Variants in OR2T12 observed in about 807,000 individuals in gnomAD.
The protein encoded by OR2T12 is olfactory receptor family 2 subfamily T member 12, also known as olfactory receptor 2T12.
For missense variants in OR2T12, 335 were observed against 404.3 expected (o/e 0.83, Z 1.47); for synonymous variants, 127 against 160.5 (o/e 0.79, Z 1.58).
intron 1 of OR2T12, among the ~76,000 whole-genome samples, chr1:248,302,197 G>T (rs1008466093): frequency 2.0e-5 from 3 of 151,940 alleles, no homozygotes; most frequent in African/African-American, 4.8e-5. Flanking sequence ...CTCTCATATT[G>T]GCAATAATGA....
At position 248,296,337 on chromosome 1, in the gene OR2T12, C is replaced by A. The variant is rs147487247; in HGVS notation, c.-8-751G>T. Reference sequence around the variant, plus strand: ...CATATGTGTGCATGTTTCTTTATAGCACCATGATTTATAGACCTTTGGGTA... The same window carrying A: ...CATATGTGTGCATGTTTCTTTATAGAACCATGATTTATAGACCTTTGGGTA... On this transcript the variant is annotated intron_variant, in intron 2 of 2. Transcript: ENST00000641276. 1.9e-3 allele frequency among the ~76,000 whole-genome samples: 288 copies of A among 152,258 alleles called. 13 individuals are homozygous for A. The East Asian group carries it at 0.047, about 25-fold the overall frequency.
At chr1:248,300,289 G>T (rs780367213) in intron 2 of OR2T12, among the ~76,000 whole-genome samples, 2 of 152,126 alleles carry the variant, frequency 1.3e-5, no homozygotes, top group Admixed American at 1.3e-4. Context: ...GATTAAATTT[G>T]TGTCTTCGAT....
chr1:248,301,049 T>C (rs113723193), intron 2 of OR2T12, among the ~76,000 whole-genome samples: 3 of 152,128 alleles, frequency 2.0e-5, no homozygotes, highest in Non-Finnish European at 1.5e-5. Flanking sequence ...TTAGGCTGAA[T>C]TTATATAAAT....
At chr1:248,297,286 G>A (rs965332262) in intron 2 of OR2T12, among the ~76,000 whole-genome samples, 54 of 152,152 alleles carry the variant, frequency 3.5e-4, no homozygotes, top group South Asian at 1.5e-3. Context: ...GTCAGGTAGC[G>A]TGATGCCTCC....
intron 2 of OR2T12, among the ~76,000 whole-genome samples, chr1:248,296,723 T>A (rs1306711792): frequency 6.6e-6 from 1 of 150,620 alleles, no homozygotes; most frequent in African/African-American, 2.5e-5. Context: ...CTCGTAAATT[T>A]GTTTGAGTTC....
At chr1:248,296,696 G>T (rs1224482967) in intron 2 of OR2T12, among the ~76,000 whole-genome samples, 2 of 152,042 alleles carry the variant, frequency 1.3e-5, no homozygotes, top group Non-Finnish European at 2.9e-5. Flanking sequence ...ACTTTTTGAT[G>T]GGGTTGTTTG....
At chr1:248,300,801 C>A (rs1659802365) in intron 2 of OR2T12, among the ~76,000 whole-genome samples, 1 of 152,008 alleles carries the variant, frequency 6.6e-6, no homozygotes, top group Non-Finnish European at 1.5e-5. Context: ...AAGAAGGAAG[C>A]TATGTGGTCA....
At position 248,293,744 on chromosome 1, in the gene OR2T12, G is replaced by T. The variant is rs1659668658; in HGVS notation, c.*872C>A. 1 of 152,078 alleles carries T rather than the reference G, an allele frequency of 6.6e-6. No homozygotes were observed. Among genetic ancestry groups the T allele is most frequent in the Non-Finnish European group, 1.5e-5 (1 of 67,980 alleles). 9.4% of individuals were successfully genotyped at this position (152,078 alleles called of 1,614,324 possible). On this transcript the variant is annotated 3_prime_UTR_variant, in exon 3 of 3. Coordinates refer to ENST00000641276, the MANE Select transcript of OR2T12 (RefSeq NM_001004692.2). ...CAATTCAGAGTTCATATCGATGGAGGTATGTCAATAAGTCAAGGTAACCTT... is the reference window on the plus strand; with the variant it reads ...CAATTCAGAGTTCATATCGATGGAGTTATGTCAATAAGTCAAGGTAACCTT...
chr1:248,297,280 G>C (rs1479986463), intron 2 of OR2T12, among the ~76,000 whole-genome samples: 3 of 152,046 alleles, frequency 2.0e-5, no homozygotes, highest in Non-Finnish European at 4.4e-5. Flanking sequence ...TTTGAAGTCA[G>C]GTAGCGTGAT....
chr1:248,297,759 A>T (rs1247756748), intron 2 of OR2T12, among the ~76,000 whole-genome samples: 1 of 149,040 alleles, frequency 6.7e-6, no homozygotes. Flanking sequence ...GGCTGAGACA[A>T]TGGGGTTTTC....
Position 248,291,785 on chromosome 1 carries a change from T to C in OR2T12, c.*2831A>G, listed in dbSNP as rs1045938035. The C allele has an allele frequency of 6.6e-6, 1 of 151,204 alleles. No individual in the cohort carries two copies. The highest frequency in any genetic ancestry group is 1.5e-5 in the Non-Finnish European group (1 of 67,492). The allele number at this position is 151,204 out of a possible 1,614,324, so 9.4% of individuals were successfully genotyped here. On this transcript the variant is annotated 3_prime_UTR_variant, in exon 3 of 3. Coordinates refer to ENST00000641276, the MANE Select transcript of OR2T12 (RefSeq NM_001004692.2). Reference sequence around the variant, plus strand: ...AACAGAGGCCTCAGAATTCATGCCATACAACCATCTCTTCTTTGACAAACC... The same window carrying C: ...AACAGAGGCCTCAGAATTCATGCCACACAACCATCTCTTCTTTGACAAACC...
chr1:248,297,274 A>C (rs1194008716), intron 2 of OR2T12, among the ~76,000 whole-genome samples: 3 of 151,966 alleles, frequency 2.0e-5, no homozygotes, highest in Non-Finnish European at 4.4e-5. Context: ...GTATAGTTTG[A>C]AGTCAGGTAG....
chr1:248,298,830 G>T (rs1339741462), intron 2 of OR2T12, among the ~76,000 whole-genome samples: 1 of 151,450 alleles, frequency 6.6e-6, no homozygotes, highest in African/African-American at 2.4e-5. Flanking sequence ...TTTTTGAAGG[G>T]TTTTTTGTGC....
At chr1:248,298,506 T>C (rs1288133626) in intron 2 of OR2T12, among the ~76,000 whole-genome samples, 1 of 152,022 alleles carries the variant, frequency 6.6e-6, no homozygotes, top group East Asian at 1.9e-4. Context: ...GGGTAAGCTA[T>C]TGATTATTGC....
At position 248,297,169 on chromosome 1, in the gene OR2T12, T is replaced by C. The variant is rs899702195; in HGVS notation, c.-8-1583A>G. Among the ~76,000 whole-genome samples the C allele has an allele frequency of 2.6e-5, 4 of 151,746 alleles. No individual in the cohort carries two copies. The East Asian group carries it at 5.8e-4, about 22-fold the overall frequency. On this transcript the variant is annotated intron_variant, in intron 2 of 2. Transcript: ENST00000641276. ...GTCAAAGATCAGATAGTTGTAGATATGCAGCGTTATTTCTGAGGGCTCTGT... is the reference window on the plus strand; with the variant it reads ...GTCAAAGATCAGATAGTTGTAGATACGCAGCGTTATTTCTGAGGGCTCTGT...
Position 248,294,254 on chromosome 1 carries a change from C to A in OR2T12, c.*362G>T, listed in dbSNP as rs543452487. 3.4e-4 allele frequency: 60 copies of A among 174,444 alleles called. No individual in the cohort carries two copies. The highest frequency in any genetic ancestry group is 1.4e-3 in the African/African-American group (58 of 41,912). 10.8% of individuals were successfully genotyped at this position (174,444 alleles called of 1,614,324 possible). ...TAGTAGGAAATTGAGTAACACTCAA[C>A]AACCTTATACATTATTGGGTTACCT... On this transcript the variant is annotated 3_prime_UTR_variant, in exon 3 of 3. Coordinates refer to ENST00000641276, the MANE Select transcript of OR2T12 (RefSeq NM_001004692.2).
At chr1:248,302,005 G>T (rs1201696772) in intron 1 of OR2T12, among the ~76,000 whole-genome samples, 1 of 151,072 alleles carries the variant, frequency 6.6e-6, no homozygotes, top group Non-Finnish European at 1.5e-5. Context: ...TGAGTGAGAT[G>T]ATGGAAAGGA....
intron 2 of OR2T12, among the ~76,000 whole-genome samples, chr1:248,296,464 C>A (rs1487333562): frequency 6.6e-6 from 1 of 152,162 alleles, no homozygotes; most frequent in Non-Finnish European, 1.5e-5. Flanking sequence ...AGTTTACAGC[C>A]CCACCAACAG....
rs533356953 is a variant in OR2T12, at chr1:248,296,552, T to A, written c.-8-966A>T. 7.9e-5 allele frequency among the ~76,000 whole-genome samples: 12 copies of A among 152,272 alleles called. No homozygotes were observed. The East Asian group carries it at 1.9e-3, about 24-fold the overall frequency. Reference sequence around the variant, plus strand: ...ACTTTTTAATGATTGCCATTCTAACTGGTGTGAGATGATATCTCATTGTGG... The same window carrying A: ...ACTTTTTAATGATTGCCATTCTAACAGGTGTGAGATGATATCTCATTGTGG... On this transcript the variant is annotated intron_variant, in intron 2 of 2. Transcript: ENST00000641276.
Sources: allele counts gnomAD v4.1 joint callset (sites outside exome capture counted in the v4.1 genomes callset), GRCh38; gene constraint gnomAD v4.1.1; transcripts MANE v1.5; gene names NCBI Gene and HGNC (gene_info 2026-07-23, HGNC 2026-07-21).